NOX4: variants seen among roughly 807,000 people sequenced by gnomAD.
The protein encoded by NOX4 is NADPH oxidase 4.
A neutral mutation model predicts 87.6 loss-of-function variants in NOX4; 69 were observed. The ratio of observed to expected loss-of-function variants is 0.79; its 90% confidence interval spans 0.65 to 0.96. The LOEUF is 0.96. Among genes scored for constraint, NOX4 ranks in the 40% least tolerant of loss-of-function variants. The pLI, the probability that NOX4 is intolerant of heterozygous loss-of-function variation, is 0.00. For synonymous variants in NOX4, 275 were observed against 238.2 expected (o/e 1.15, Z -1.42); for missense variants, 680 against 681.5 (o/e 1.00, Z 0.02).
intron 12 of NOX4, among the ~76,000 whole-genome samples, chr11:89,365,776 A>C (rs1028196984): frequency 1.7e-4 from 26 of 150,096 alleles, no homozygotes; most frequent in Admixed American, 1.3e-3. Context: ...AAAAAAAAAA[A>C]CAGGAGATTT....
At chr11:89,374,024 A>G (rs1354800157) in intron 11 of NOX4, among the ~76,000 whole-genome samples, 2 of 152,068 alleles carry the variant, frequency 1.3e-5, no homozygotes, top group African/African-American at 4.8e-5. Context: ...TGGTGAGGGT[A>G]GCTGGGGAGA....
At chr11:89,452,007 A>G in intron 2 of NOX4, 112 bp from the exon 3 acceptor site, 1 of 670,708 alleles carries the variant, frequency 1.5e-6, no homozygotes, top group East Asian at 2.7e-5. Context: ...CATGCCAAAT[A>G]CCAGCTCCTT....
At chr11:89,434,097 T>G (rs991943532) in intron 6 of NOX4, among the ~76,000 whole-genome samples, 1 of 152,040 alleles carries the variant, frequency 6.6e-6, no homozygotes, top group Admixed American at 6.6e-5. Flanking sequence ...TCAAGAAAAC[T>G]ACTATGAAAT....
chr11:89,375,305 T>TTTG (rs527557507), intron 11 of NOX4, among the ~76,000 whole-genome samples: 3,282 of 152,154 alleles, frequency 0.022, 107 homozygotes, highest in African/African-American at 0.075. Context: ...CATTGTAACT[T>TTTG]TTGTTGTTGT....
the NOX4 span, among the ~76,000 whole-genome samples, chr11:89,527,345 A>G: frequency 6.6e-6 from 1 of 152,222 alleles, no homozygotes; most frequent in African/African-American, 2.4e-5. Context: ...ATAGAAAAGA[A>G]AATCCCATTT....
At chr11:89,480,268 C>A (rs1420261555) in intron 2 of NOX4, among the ~76,000 whole-genome samples, 2 of 152,114 alleles carry the variant, frequency 1.3e-5, no homozygotes, top group East Asian at 3.9e-4. Context: ...AGACAAACGT[C>A]TCATTCCTTT....
chr11:89,531,078 C>T, the NOX4 span, among the ~76,000 whole-genome samples: 8 of 152,290 alleles, frequency 5.3e-5, no homozygotes, highest in Admixed American at 3.3e-4. Flanking sequence ...TTAGCTCCAG[C>T]TGGCTTTCTT....
chr11:89,427,572 G>A (rs139137340), intron 7 of NOX4, among the ~76,000 whole-genome samples: 1,772 of 152,240 alleles, frequency 0.012, 25 homozygotes, highest in Middle Eastern at 0.051. Context: ...ACTACGTGAC[G>A]AATGACAAGC....
chr11:89,510,277 G>A, the NOX4 span, among the ~76,000 whole-genome samples: 1 of 152,028 alleles, frequency 6.6e-6, no homozygotes, highest in Non-Finnish European at 1.5e-5. Context: ...ATCATGCAGA[G>A]CAAAGAAGCT....
At chr11:89,511,402 T>C in the NOX4 span, among the ~76,000 whole-genome samples, 15 of 152,070 alleles carry the variant, frequency 9.9e-5, no homozygotes, top group African/African-American at 3.4e-4. Context: ...TTTCATCCCT[T>C]ACTCTTCCCC....
the NOX4 span, among the ~76,000 whole-genome samples, chr11:89,579,997 T>G: frequency 2.6e-5 from 4 of 152,072 alleles, no homozygotes; most frequent in Admixed American, 2.6e-4. Context: ...GAATCACATA[T>G]TCAAAAAACG....
At chr11:89,473,656 C>T (rs1946044530) in intron 2 of NOX4, among the ~76,000 whole-genome samples, 1 of 152,096 alleles carries the variant, frequency 6.6e-6, no homozygotes, top group African/African-American at 2.4e-5. Context: ...TCCTCCTGAA[C>T]TCAATCCTAT....
At chr11:89,371,160 CT>C (rs1318274239) in intron 12 of NOX4, among the ~76,000 whole-genome samples, 2 of 151,920 alleles carry the variant, frequency 1.3e-5, no homozygotes, top group African/African-American at 4.8e-5. Context: ...TAGTTGTAAT[CT>C]CATTGTTGTA....
chr11:89,425,095 T>C (rs571935315), intron 7 of NOX4, among the ~76,000 whole-genome samples: 113 of 152,172 alleles, frequency 7.4e-4, no homozygotes, highest in Admixed American at 2.2e-3. Flanking sequence ...AAACTATACC[T>C]CAAGGATTTT....
At chr11:89,448,376 A>G (rs948828767) in intron 4 of NOX4, among the ~76,000 whole-genome samples, 1 of 152,190 alleles carries the variant, frequency 6.6e-6, no homozygotes, top group Non-Finnish European at 1.5e-5. Flanking sequence ...TTTGAAAAGT[A>G]TCATCTAAAA....
chr11:89,399,029 G>T (rs1941665704), intron 11 of NOX4, among the ~76,000 whole-genome samples: 1 of 151,906 alleles, frequency 6.6e-6, no homozygotes, highest in South Asian at 2.1e-4. Flanking sequence ...TAGAGAAAAG[G>T]ATTGGAAAGT....
intron 17 of NOX4, among the ~76,000 whole-genome samples, chr11:89,328,784 A>G (rs1945324696): frequency 6.6e-6 from 1 of 152,072 alleles, no homozygotes; most frequent in Non-Finnish European, 1.5e-5. Context: ...TGAAGGTACT[A>G]GGGTAGGCCC....
chr11:89,455,057 C>T (rs763812519), intron 2 of NOX4, among the ~76,000 whole-genome samples: 6 of 152,016 alleles, frequency 3.9e-5, no homozygotes, highest in Non-Finnish European at 8.8e-5. Context: ...TCCAATAGCT[C>T]CTATAGGCCA....
At chr11:89,476,020 T>C (rs913611934) in intron 2 of NOX4, among the ~76,000 whole-genome samples, 1 of 152,180 alleles carries the variant, frequency 6.6e-6, no homozygotes, top group Non-Finnish European at 1.5e-5. Flanking sequence ...TATCCTGCCA[T>C]GTACAAAACA....
Sources: gnomAD v4.1 joint callset for allele counts (sites outside exome capture counted in the v4.1 genomes callset) on GRCh38, gnomAD v4.1.1 for gene constraint, MANE v1.5 for transcripts, NCBI Gene and HGNC (gene_info 2026-07-23, HGNC 2026-07-21) for gene names.